The following CYP19A1 variants were observed in gnomAD, a reference collection of about 807,000 sequenced individuals.
CYP19A1 encodes the protein aromatase.
In CYP19A1, 32 loss-of-function variants were observed where a neutral mutation model predicts 44.4. That is an observed-to-expected ratio of 0.72 (90% CI 0.54 to 0.97). The LOEUF is 0.97. Among genes scored for constraint, CYP19A1 ranks in the 50% least tolerant of loss-of-function variants. CYP19A1 has a pLI of 0.00. For synonymous variants in CYP19A1, 212 were observed against 215.6 expected (o/e 0.98, Z 0.14); for missense variants, 598 against 637.8 (o/e 0.94, Z 0.67).
At chr15:51,246,382 T>A (rs555646526) in intron 1 of CYP19A1, among the ~76,000 whole-genome samples, 2 of 152,190 alleles carry the variant, frequency 1.3e-5, no homozygotes, top group Non-Finnish European at 2.9e-5. Context: ...ACCATTGTTA[T>A]TTGCAGAGTG....
rs112633277 is a variant in CYP19A1 at position 51,287,175 on chromosome 15, T to G, written c.-38-44225A>C. Among the ~76,000 whole-genome samples the G allele has an allele frequency of 5.1e-3, 770 of 152,310 alleles. 5 individuals are homozygous for G. The highest frequency in any genetic ancestry group is 0.037 in the Middle Eastern group (11 of 294). The stretch of plus-strand genomic sequence containing the variant: ...GACTTTAGGAATGAGCAAGAAAATT[T>G]ATTAGTCCTTCCCTTCTTGCCTATC... On this transcript the variant is annotated intron_variant, in intron 1 of 9. Transcript: ENST00000396402.
chr15:51,212,531 T>G lies in CYP19A1; in HGVS notation c.1052A>C (p.Gln351Pro), dbSNP rs1397816058. 1 of 1,509,374 alleles carries G rather than the reference T, an allele frequency of 6.6e-7. No individual in the cohort carries two copies. The highest frequency in any genetic ancestry group is 1.4e-5 in the African/African-American group (1 of 72,928). 93.5% of individuals were successfully genotyped at this position (1,509,374 alleles called of 1,614,324 possible). A position where few individuals can be genotyped will look rare whatever the true frequency, so the allele number is the denominator to read the frequency against. The change falls in exon 9 of 10, where the codon CAA (glutamine) becomes CCA (proline). Residue 351 changes from glutamine (Q) to proline (P), a missense_variant. Coordinates refer to ENST00000396402, the MANE Select transcript of CYP19A1 (RefSeq NM_000103.4). ...GERDIKIDDIQKLKVMENFIY... is the reference protein window; with the variant it reads ...GERDIKIDDIPKLKVMENFIY... ...GAAGTTTTCCATCACTTTTAATTTT[T>G]GTATATCATCAATCTTTATGTCTCT...
rs182178266 is a variant in CYP19A1 at position 51,231,205 on chromosome 15, C to T, written c.297-3272G>A. The stretch of plus-strand genomic sequence containing the variant: ...AAGTGTTATTGCAAAAATGTGCAAC[C>T]TTAATCTAATTGAGCCTTTAGACCC... On this transcript the variant is annotated intron_variant, in intron 3 of 9. Coordinates refer to ENST00000396402, the MANE Select transcript of CYP19A1 (RefSeq NM_000103.4). Among the ~76,000 whole-genome samples, 557 of 152,270 alleles carry T rather than the reference C, an allele frequency of 3.7e-3. 3 individuals are homozygous for T. Among genetic ancestry groups the T allele is most frequent in the African/African-American group, 0.013 (531 of 41,570 alleles).
At chr15:51,284,854 C>T (rs1187657719) in intron 1 of CYP19A1, among the ~76,000 whole-genome samples, 1 of 152,200 alleles carries the variant, frequency 6.6e-6, no homozygotes, top group Non-Finnish European at 1.5e-5. Flanking sequence ...CAATCAGGTG[C>T]CTGTGTGGGT....
At position 51,248,328 on chromosome 15, in the gene CYP19A1, T is replaced by C. The variant is rs565199521; in HGVS notation, c.-38-5378A>G. ...AGTATCTGAACCAACTGTCACAACC[T>C]TCACGGAGCTACACACTGGGAGCTA... On this transcript the variant is annotated intron_variant, in intron 1 of 9. Transcript: ENST00000396402. Among the ~76,000 whole-genome samples, 3 of 152,332 alleles carry C rather than the reference T, an allele frequency of 2.0e-5. No homozygotes were observed. In the East Asian group the frequency reaches 5.8e-4, roughly 29 times the overall value.
chr15:51,323,630 G>A (rs1256510160), intron 1 of CYP19A1, among the ~76,000 whole-genome samples: 1 of 151,990 alleles, frequency 6.6e-6, no homozygotes, highest in African/African-American at 2.4e-5. Flanking sequence ...CTTGCAAACT[G>A]TAAAGCTCAG....
At chr15:51,294,708 G>T (rs1286182040) in intron 1 of CYP19A1, among the ~76,000 whole-genome samples, 6 of 136,522 alleles carry the variant, frequency 4.4e-5, no homozygotes, top group African/African-American at 1.9e-4. Flanking sequence ...CCGGCCAGCC[G>T]CCCCGTCTGG....
intron 1 of CYP19A1, among the ~76,000 whole-genome samples, chr15:51,321,284 C>A (rs9282665): frequency 3.3e-5 from 5 of 152,148 alleles, no homozygotes; most frequent in African/African-American, 1.2e-4. Context: ...GAGCACCCCT[C>A]CCCATCCACC....
At chr15:51,319,914 G>A (rs1778602676) in intron 1 of CYP19A1, among the ~76,000 whole-genome samples, 2 of 152,206 alleles carry the variant, frequency 1.3e-5, no homozygotes, top group South Asian at 4.1e-4. Flanking sequence ...AATAATGCCT[G>A]CCCTGCTGTG....
At chr15:51,320,283 C>G (rs1212903744) in intron 1 of CYP19A1, 2 of 152,342 alleles carry the variant, frequency 1.3e-5, no homozygotes, top group Admixed American at 1.3e-4. Context: ...AGAGGGAGAT[C>G]AAGGAAAACC....
At chr15:51,252,043 G>A (rs149263459) in intron 1 of CYP19A1, among the ~76,000 whole-genome samples, 88 of 152,186 alleles carry the variant, frequency 5.8e-4, no homozygotes, top group African/African-American at 2.0e-3. Flanking sequence ...TTGCCCTGCC[G>A]CCTTCCTTGG....
rs559773085 is a variant in CYP19A1 at position 51,257,674 on chromosome 15, C to T, written c.-38-14724G>A. Among the ~76,000 whole-genome samples the T allele has an allele frequency of 3.9e-5, 6 of 152,330 alleles. No individual in the cohort carries two copies. The South Asian group carries it at 8.3e-4, about 21-fold the overall frequency. ...GGTCTCCAGGATCAATCCCACACAG[C>T]GCTGCTTCCATTGCAATGCTTTCCT... On this transcript the variant is annotated intron_variant, in intron 1 of 9. Coordinates refer to ENST00000396402, the MANE Select transcript of CYP19A1 (RefSeq NM_000103.4).
intron 1 of CYP19A1, among the ~76,000 whole-genome samples, chr15:51,282,582 T>C (rs912076806): frequency 6.6e-6 from 1 of 152,246 alleles, no homozygotes; most frequent in Non-Finnish European, 1.5e-5. Context: ...CATACTTGCG[T>C]TGGCCACCTG....
At chr15:51,276,807 A>C (rs2035324824) in intron 1 of CYP19A1, among the ~76,000 whole-genome samples, 1 of 152,238 alleles carries the variant, frequency 6.6e-6, no homozygotes, top group Non-Finnish European at 1.5e-5. Flanking sequence ...AGCAGCTTTT[A>C]AAATCAAACG....
intron 1 of CYP19A1, among the ~76,000 whole-genome samples, chr15:51,310,598 C>G (rs969637250): frequency 2.0e-5 from 3 of 152,196 alleles, no homozygotes; most frequent in Non-Finnish European, 4.4e-5. Context: ...AAACCTGTCC[C>G]TTTGGGTACA....
intron 1 of CYP19A1, among the ~76,000 whole-genome samples, chr15:51,276,221 T>A (rs2035304816): frequency 2.0e-5 from 3 of 152,178 alleles, no homozygotes; most frequent in Non-Finnish European, 4.4e-5. Context: ...ATCAGAGTAT[T>A]TCATAGTCTA....
At chr15:51,215,974 C>A (rs1380461033) in intron 6 of CYP19A1, 157 bp from the exon 7 acceptor site, 2 of 1,372,842 alleles carry the variant, frequency 1.5e-6, no homozygotes, top group Non-Finnish European at 9.7e-7. Flanking sequence ...TCATAAATAC[C>A]CTTAAATTAC....
chr15:51,219,520 A>G (rs531900706), intron 5 of CYP19A1, among the ~76,000 whole-genome samples: 1 of 152,344 alleles, frequency 6.6e-6, no homozygotes, highest in South Asian at 2.1e-4. Context: ...ATTGCAATTC[A>G]TAGAAATTCG....
chr15:51,303,587 G>T (rs1051509313), intron 1 of CYP19A1, among the ~76,000 whole-genome samples: 1 of 151,928 alleles, frequency 6.6e-6, no homozygotes, highest in South Asian at 2.1e-4. Context: ...CTGAAAGTCA[G>T]TGTCCATCTG....
Sources: gnomAD v4.1 joint callset for allele counts (sites outside exome capture counted in the v4.1 genomes callset) on GRCh38, gnomAD v4.1.1 for gene constraint, MANE v1.5 for transcripts, NCBI Gene and HGNC (gene_info 2026-07-23, HGNC 2026-07-21) for gene names.